PGPEP1: variants seen among roughly 807,000 people sequenced by gnomAD.
The protein encoded by PGPEP1 is pyroglutamyl-peptidase 1.
Under a neutral mutation model 24.1 loss-of-function variants are expected in PGPEP1, and 15 were observed. That is an observed-to-expected ratio of 0.62 (90% CI 0.42 to 0.96). PGPEP1 has a LOEUF of 0.96. Ranked by LOEUF, PGPEP1 falls within the 40% of genes least tolerant of loss-of-function variation. PGPEP1 has a pLI of 0.00. For missense variants in PGPEP1, 242 were observed against 273.4 expected (o/e 0.89, Z 0.81); for synonymous variants, 122 against 116.4 (o/e 1.05, Z -0.31).
intron 1 of PGPEP1, 139 bp downstream of exon 1, chr19:18,340,854 G>A: frequency 3.3e-6 from 2 of 599,502 alleles, no homozygotes; most frequent in Non-Finnish European, 5.0e-6. Context: ...GGAGCCCCGC[G>A]CAGCCCAGGC....
intron 3 of PGPEP1, among the ~76,000 whole-genome samples, chr19:18,357,097 A>G (rs1339325736): frequency 6.6e-6 from 1 of 152,244 alleles, no homozygotes. Context: ...CTCATTATTT[A>G]TTGAACTAAC....
At chr19:18,352,784 GACCTC>G (rs1342775562) in intron 2 of PGPEP1, among the ~76,000 whole-genome samples, 1 of 152,060 alleles carries the variant, frequency 6.6e-6, no homozygotes, top group Non-Finnish European at 1.5e-5. Context: ...TCGAACTCCT[GACCTC>G]AGGTGATCCT....
intron 2 of PGPEP1, 92 bp downstream of exon 2, chr19:18,343,003 CTT>C (rs35175980): frequency 3.0e-3 from 2,177 of 731,764 alleles, no homozygotes; most frequent in South Asian, 3.6e-3. Flanking sequence ...TTAACAAAAA[CTT>C]TTTTTTTTTT....
rs1211855252 is a variant in PGPEP1, at chr19:18,365,895, G to A, written c.*2312G>A. On this transcript the variant is annotated 3_prime_UTR_variant, in exon 5 of 5. Transcript: ENST00000269919. The stretch of plus-strand genomic sequence containing the variant: ...GACTGTAACTGACAGGTGGAAATGA[G>A]TAGGGACACTATTGTTCCCTCCATG... The A allele has an allele frequency of 6.7e-6, 1 of 149,792 alleles. No individual in the cohort carries two copies. Among genetic ancestry groups the A allele is most frequent in the Non-Finnish European group, 1.5e-5 (1 of 67,752 alleles). 9.3% of individuals were successfully genotyped at this position (149,792 alleles called of 1,614,324 possible).
chr19:18,357,033 A>G (rs1971203884), intron 3 of PGPEP1, among the ~76,000 whole-genome samples: 1 of 152,222 alleles, frequency 6.6e-6, no homozygotes. Flanking sequence ...GCAAGACTCC[A>G]TCTCAACAAA....
intron 4 of PGPEP1, among the ~76,000 whole-genome samples, chr19:18,360,744 C>T (rs563204235): frequency 6.8e-6 from 1 of 147,342 alleles, no homozygotes; most frequent in South Asian, 2.2e-4. Flanking sequence ...AGGCTGGTCT[C>T]GAACTCCTGA....
In PGPEP1 at chr19:18,357,368, C is replaced by G; in HGVS notation, c.205-15C>G. On this transcript the variant is annotated splice_polypyrimidine_tract_variant and intron_variant, in intron 3 of 4. Coordinates refer to ENST00000269919, the MANE Select transcript of PGPEP1 (RefSeq NM_017712.4). ...CGGGCAGGCCATGTTAAGTCCTGCCCCTGTCTGTGTGCAGCTGGTGGTGCA... is the reference window on the plus strand; with the variant it reads ...CGGGCAGGCCATGTTAAGTCCTGCCGCTGTCTGTGTGCAGCTGGTGGTGCA... The G allele has an allele frequency of 6.2e-7, 1 of 1,606,980 alleles. No individual in the cohort carries two copies. The highest frequency in any genetic ancestry group is 8.5e-7 in the Non-Finnish European group (1 of 1,174,768).
At chr19:18,357,777 T>C in intron 4 of PGPEP1, 162 bp downstream of exon 4, 1 of 622,446 alleles carries the variant, frequency 1.6e-6, no homozygotes, top group Non-Finnish European at 2.9e-6. Flanking sequence ...TGCCGTTGGT[T>C]CTGCTCCTGG....
Position 18,365,646 on chromosome 19 carries a change from G to A in PGPEP1, c.*2063G>A, listed in dbSNP as rs923110718. On this transcript the variant is annotated 3_prime_UTR_variant, in exon 5 of 5. Coordinates refer to ENST00000269919, the MANE Select transcript of PGPEP1 (RefSeq NM_017712.4). ...GGCATGAGCCACTGCACCCAGCCCA[G>A]TTCTTTCTTAAAACAGCTGAGAGTT... 6.6e-6 allele frequency: 1 copy of A among 152,226 alleles called. No homozygotes were observed. Among genetic ancestry groups the A allele is most frequent in the Admixed American group, 6.6e-5 (1 of 15,262 alleles). 9.4% of individuals were successfully genotyped at this position (152,226 alleles called of 1,614,324 possible).
chr19:18,345,617 C>T (rs566767959), intron 2 of PGPEP1, among the ~76,000 whole-genome samples: 1 of 148,612 alleles, frequency 6.7e-6, no homozygotes, highest in Non-Finnish European at 1.5e-5. Flanking sequence ...CCCAGCTACT[C>T]GGGAGGCTAA....
At chr19:18,342,993 T>A (rs1291689592) in intron 2 of PGPEP1, 82 bp downstream of exon 2, 2 of 1,084,580 alleles carry the variant, frequency 1.8e-6, no homozygotes, top group East Asian at 4.7e-5. Flanking sequence ...AGGTCCCCTT[T>A]TAACAAAAAC....
chr19:18,355,212 G>C (rs907730546), intron 2 of PGPEP1, among the ~76,000 whole-genome samples: 1 of 149,942 alleles, frequency 6.7e-6, no homozygotes, highest in East Asian at 2.0e-4. Context: ...CTCGTGATCC[G>C]CCTGCCTCGG....
intron 1 of PGPEP1, among the ~76,000 whole-genome samples, chr19:18,341,430 G>T (rs1970669269): frequency 1.3e-5 from 2 of 152,184 alleles, no homozygotes; most frequent in South Asian, 2.1e-4. Flanking sequence ...GCCAACTTCC[G>T]CTGGGGCCTC....
intron 2 of PGPEP1, among the ~76,000 whole-genome samples, chr19:18,345,204 G>A (rs1325899817): frequency 2.6e-5 from 4 of 151,950 alleles, no homozygotes; most frequent in African/African-American, 9.7e-5. Flanking sequence ...GTTTTGCCAT[G>A]TTGACCAGGC....
intron 4 of PGPEP1, chr19:18,357,828 C>T (rs1971232535): frequency 1.8e-6 from 1 of 567,520 alleles, no homozygotes. Context: ...ATCACGGTCC[C>T]CACCAAGGCC....
intron 2 of PGPEP1, among the ~76,000 whole-genome samples, chr19:18,354,004 G>A (rs1336402293): frequency 6.6e-6 from 1 of 152,184 alleles, no homozygotes; most frequent in Non-Finnish European, 1.5e-5. Flanking sequence ...GGAGGCCAAG[G>A]CAGGTGAATC....
chr19:18,342,335 A>C (rs1970694827), intron 1 of PGPEP1, among the ~76,000 whole-genome samples: 1 of 152,146 alleles, frequency 6.6e-6, no homozygotes, highest in Non-Finnish European at 1.5e-5. Flanking sequence ...CTTGCCTGAA[A>C]GGGGATGTGG....
At chr19:18,353,854 G>T (rs777526996) in intron 2 of PGPEP1, among the ~76,000 whole-genome samples, 1 of 152,072 alleles carries the variant, frequency 6.6e-6, no homozygotes, top group Non-Finnish European at 1.5e-5. Flanking sequence ...GTATTCCATC[G>T]GATGGATGGA....
At position 18,366,511 on chromosome 19, in the gene PGPEP1, C is replaced by G. The variant is rs1010527291; in HGVS notation, c.*2928C>G. The G allele has an allele frequency of 6.6e-6, 1 of 152,076 alleles. No homozygotes were observed. The highest frequency in any genetic ancestry group is 1.5e-5 in the Non-Finnish European group (1 of 68,034). 9.4% of individuals were successfully genotyped at this position (152,076 alleles called of 1,614,324 possible). A position where few individuals can be genotyped will look rare whatever the true frequency, so the allele number is the denominator to read the frequency against. ...TTTGAGATGGATTCTCACACTGTTA[C>G]TCGGGCTAGAGTGCAATGGCGTGAT... On this transcript the variant is annotated 3_prime_UTR_variant, in exon 5 of 5. Coordinates refer to ENST00000269919, the MANE Select transcript of PGPEP1 (RefSeq NM_017712.4).
Sources: gnomAD v4.1 joint callset for allele counts (sites outside exome capture counted in the v4.1 genomes callset) on GRCh38, gnomAD v4.1.1 for gene constraint, MANE v1.5 for transcripts, NCBI Gene and HGNC (gene_info 2026-07-23, HGNC 2026-07-21) for gene names.